The following TRAPPC10 variants were observed in gnomAD, a reference collection of about 807,000 sequenced individuals.
TRAPPC10 encodes the protein trafficking protein particle complex subunit 10.
Under a neutral mutation model 125.5 loss-of-function variants are expected in TRAPPC10, and 23 were observed. The observed-to-expected ratio is 0.18, with a 90% CI of 0.13 to 0.26. TRAPPC10 has a LOEUF of 0.26. Ranked by LOEUF, TRAPPC10 falls within the 10% of genes least tolerant of loss-of-function variation. TRAPPC10 has a pLI of 1.00. For missense variants in TRAPPC10, 1,123 were observed against 1,308.4 expected, an observed-to-expected ratio of 0.86 and a Z score of 2.19; for synonymous variants, 509 against 518.0, an observed-to-expected ratio of 0.98 and a Z score of 0.24.
intron 15 of TRAPPC10, among the ~76,000 whole-genome samples, chr21:44,084,729 C>T (rs576898478): frequency 6.6e-6 from 1 of 152,190 alleles, no homozygotes; most frequent in Non-Finnish European, 1.5e-5. Flanking sequence ...ACAGTCCCCC[C>T]CTTCCCATGC....
chr21:44,084,422 C>T (rs552351158), intron 15 of TRAPPC10, among the ~76,000 whole-genome samples, 159 bp downstream of exon 15: 6 of 152,262 alleles, frequency 3.9e-5, no homozygotes, highest in Non-Finnish European at 7.4e-5. Context: ...AGCTGACTGC[C>T]TCTTTTGTTT....
intron 7 of TRAPPC10, among the ~76,000 whole-genome samples, chr21:44,068,714 C>T (rs1467788532): frequency 6.6e-6 from 1 of 152,104 alleles, no homozygotes; most frequent in Admixed American, 6.6e-5. Flanking sequence ...AATTCTCCTG[C>T]CTCAGCCAGT....
At position 44,086,806 on chromosome 21, in the gene TRAPPC10, C is replaced by T; in HGVS notation, c.2385C>T (p.Ser795=). Residue 795 remains serine (S), a synonymous_variant, in exon 16 of 23, where the codon AGC becomes AGT. Coordinates refer to ENST00000291574, the MANE Select transcript of TRAPPC10 (RefSeq NM_003274.5). ...CCACGATCTCTTTTCCTTTAGATAGCCTTCTGGCAGGCATTCCTCAGAGAG... is the reference window on the plus strand; with the variant it reads ...CCACGATCTCTTTTCCTTTAGATAGTCTTCTGGCAGGCATTCCTCAGAGAG... ...PQLHVEPLAD[S]LLAGIPQRVK... 1 of 1,614,114 alleles carries T rather than the reference C, an allele frequency of 6.2e-7. No individual in the cohort carries two copies. The highest frequency in any genetic ancestry group is 1.1e-5 in the South Asian group (1 of 91,082).
At chr21:44,013,770 C>G (rs1185862374) in intron 1 of TRAPPC10, among the ~76,000 whole-genome samples, 2 of 152,098 alleles carry the variant, frequency 1.3e-5, no homozygotes, top group Non-Finnish European at 2.9e-5. Flanking sequence ...ATAGACTTTT[C>G]TTAGGGAAGT....
At chr21:44,042,640 A>G (rs1168908484) in intron 3 of TRAPPC10, among the ~76,000 whole-genome samples, 2 of 152,178 alleles carry the variant, frequency 1.3e-5, no homozygotes, top group Non-Finnish European at 2.9e-5. Context: ...CACAAGACCT[A>G]TCTTACTGCT....
At chr21:44,088,150 T>G (rs893984865) in intron 17 of TRAPPC10, 18 of 571,508 alleles carry the variant, frequency 3.1e-5, no homozygotes, top group Non-Finnish European at 3.8e-5. Context: ...CCTTTCCCTC[T>G]CAGTTCCAGG....
At chr21:44,091,279 G>C (rs989748249) in intron 18 of TRAPPC10, among the ~76,000 whole-genome samples, 19 of 152,210 alleles carry the variant, frequency 1.2e-4, no homozygotes, top group African/African-American at 4.3e-4. Flanking sequence ...TCAATGGAGA[G>C]TCTTCACCTG....
intron 1 of TRAPPC10, among the ~76,000 whole-genome samples, chr21:44,023,309 A>G (rs1349093207): frequency 2.6e-5 from 4 of 151,986 alleles, no homozygotes; most frequent in Non-Finnish European, 5.9e-5. Context: ...TGCTGGGATT[A>G]CAGATGTGAG....
At chr21:44,012,712 G>A in intron 1 of TRAPPC10, 152 bp downstream of exon 1, 1 of 650,874 alleles carries the variant, frequency 1.5e-6, no homozygotes, top group Non-Finnish European at 2.5e-6. Context: ...CTGAGGCGGG[G>A]CCCTCTGACT....
rs566370075 is a variant in TRAPPC10, at chr21:44,085,864, AGAGT to A, written c.2381-931_2381-928del. The stretch of plus-strand genomic sequence containing the variant: ...TTGAAGAACATGTGGCAGCTGAACA[AGAGT>A]GAGTGAATGTCTCCTTTGTTCGGGC... On this transcript the variant is annotated intron_variant, in intron 15 of 22. Coordinates refer to ENST00000291574, the MANE Select transcript of TRAPPC10 (RefSeq NM_003274.5). Among the ~76,000 whole-genome samples the A allele has an allele frequency of 2.6e-4, 39 of 152,376 alleles. No individual in the cohort carries two copies. In the East Asian group the frequency reaches 7.3e-3, roughly 29 times the overall value.
chr21:44,039,674 G>A (rs1334222501), intron 3 of TRAPPC10, among the ~76,000 whole-genome samples: 4 of 152,202 alleles, frequency 2.6e-5, no homozygotes, highest in African/African-American at 9.7e-5. Flanking sequence ...AGACCAGCCT[G>A]GCCAAGATGG....
At chr21:44,058,889 G>A (rs550452693) in intron 5 of TRAPPC10, among the ~76,000 whole-genome samples, 92 of 147,926 alleles carry the variant, frequency 6.2e-4, no homozygotes, top group Non-Finnish European at 1.0e-3. Context: ...CGATAGGTCG[G>A]GGAGGGTTCA....
intron 1 of TRAPPC10, among the ~76,000 whole-genome samples, chr21:44,020,942 T>G (rs74741850): frequency 0.018 from 2,779 of 152,266 alleles, 37 homozygotes; most frequent in Non-Finnish European, 0.031. Context: ...CTTTACCAAG[T>G]ACTTAGGGAA....
intron 1 of TRAPPC10, among the ~76,000 whole-genome samples, chr21:44,020,874 C>G (rs1318671714): frequency 6.6e-6 from 1 of 152,086 alleles, no homozygotes; most frequent in African/African-American, 2.4e-5. Context: ...TGGCCATGAT[C>G]AGTGTAACTG....
At chr21:44,037,428 G>C (rs2145722798) in intron 2 of TRAPPC10, among the ~76,000 whole-genome samples, 1 of 152,268 alleles carries the variant, frequency 6.6e-6, no homozygotes, top group Middle Eastern at 3.4e-3. Context: ...ACTGCACTTT[G>C]GACATTTGGG....
chr21:44,053,704 T>C (rs568789727), intron 4 of TRAPPC10, among the ~76,000 whole-genome samples: 1 of 152,336 alleles, frequency 6.6e-6, no homozygotes, highest in Admixed American at 6.5e-5. Context: ...GTGACAGCAG[T>C]AGCCGTTGTG....
intron 3 of TRAPPC10, among the ~76,000 whole-genome samples, chr21:44,050,911 AT>A (rs965595077): frequency 7.3e-5 from 11 of 150,598 alleles, no homozygotes; most frequent in African/African-American, 1.9e-4. Context: ...AGGATTTAAT[AT>A]TTTTTTTTTG....
chr21:44,018,956 T>A (rs985742396), intron 1 of TRAPPC10, among the ~76,000 whole-genome samples: 7 of 152,192 alleles, frequency 4.6e-5, no homozygotes, highest in African/African-American at 1.7e-4. Context: ...TCCAAAGGTA[T>A]TGCACACTGA....
intron 1 of TRAPPC10, among the ~76,000 whole-genome samples, chr21:44,031,680 A>T (rs981163917): frequency 6.6e-6 from 1 of 152,214 alleles, no homozygotes; most frequent in South Asian, 2.1e-4. Flanking sequence ...TTGGTTGAAC[A>T]GTGAGTTGAT....
Sources: allele counts gnomAD v4.1 joint callset (sites outside exome capture counted in the v4.1 genomes callset), GRCh38; gene constraint gnomAD v4.1.1; transcripts MANE v1.5; gene names NCBI Gene and HGNC (gene_info 2026-07-23, HGNC 2026-07-21).